BSN: variants seen among roughly 807,000 people sequenced by gnomAD.
BSN encodes protein bassoon.
Under a neutral mutation model 264.8 loss-of-function variants are expected in BSN, and 57 were observed. The ratio of observed to expected loss-of-function variants is 0.22; its 90% CI spans 0.17 to 0.27. BSN has a LOEUF of 0.27. BSN is among the 10% of genes least tolerant of loss of function. The pLI is 1.00. For synonymous variants in BSN, 2,059 were observed against 2,137.3 expected (o/e 0.96, Z 1.01); for missense variants, 4,615 against 5,232.5 (o/e 0.88, Z 3.64).
intron 1 of BSN, among the ~76,000 whole-genome samples, chr3:49,575,035 G>T (rs2108010614): frequency 6.6e-6 from 1 of 152,002 alleles, no homozygotes; most frequent in Admixed American, 6.6e-5. Flanking sequence ...TTTTCTTTTG[G>T]CTTAAAATTT....
At position 49,661,398 on chromosome 3, in the gene BSN, G is replaced by T; in HGVS notation, c.9553G>T (p.Val3185Leu). 6.2e-7 allele frequency: 1 copy of T among 1,613,984 alleles called. No homozygotes were observed. The highest frequency in any genetic ancestry group is 2.2e-5 in the East Asian group (1 of 44,880). The change falls in exon 6 of 12, where the codon GTG becomes TTG. Residue 3185 changes from valine to leucine, a missense_variant. Val to Leu is a conservative substitution (Grantham distance 32, BLOSUM62 1). This residue lies in a region of BSN where 3,415 missense variants were observed against 3,866.4 expected (regional missense o/e 0.88). Transcript: ENST00000296452. ...TGAAACCAGCTACAGTGGCCCAGCA[G>T]TGAGCAGCGGCTATGAGCAGGGCAA... is the stretch of plus-strand genomic sequence containing the variant. ...PSETSYSGPA[V>L]SSGYEQGKVP... is the part of the protein sequence containing the mutation.
In BSN at chr3:49,664,845, C is replaced by T. The variant is rs1356620628; in HGVS notation, c.*6C>T. ...AATTTTCCTCATTCTGGTGACCATG[C>T]CCAGCATGGTGAGTACAAGCAGCCT... On this transcript the variant is annotated 3_prime_UTR_variant, in exon 10 of 12. Coordinates refer to ENST00000296452, the MANE Select transcript of BSN (RefSeq NM_003458.4). 6.2e-7 allele frequency: 1 copy of T among 1,612,176 alleles called. No homozygotes were observed. Among genetic ancestry groups the T allele is most frequent in the South Asian group, 1.1e-5 (1 of 91,042 alleles).
chr3:49,601,519 G>T (rs762874925), intron 1 of BSN, among the ~76,000 whole-genome samples: 1 of 152,174 alleles, frequency 6.6e-6, no homozygotes, highest in Non-Finnish European at 1.5e-5. Context: ...CCTCCCTCCA[G>T]TGCCAGCTTG....
At chr3:49,672,106 T>C (rs1488173498), downstream of BSN, among the ~76,000 whole-genome samples, 3 of 147,938 alleles carry the variant, frequency 2.0e-5, no homozygotes, top group South Asian at 2.3e-4. Context: ...AGAATTAACA[T>C]TTTGATGCGT....
At chr3:49,602,173 G>C (rs75077023) in intron 1 of BSN, among the ~76,000 whole-genome samples, 3,032 of 152,322 alleles carry the variant, frequency 0.02, 52 homozygotes, top group Middle Eastern at 0.061. Flanking sequence ...TTTGCCCCTT[G>C]GATCAGAAAG....
intron 1 of BSN, among the ~76,000 whole-genome samples, chr3:49,611,783 G>A (rs2052208529): frequency 6.6e-6 from 1 of 152,202 alleles, no homozygotes; most frequent in South Asian, 2.1e-4. Context: ...AATGTCTTGG[G>A]TTCTTTTGGT....
intron 1 of BSN, among the ~76,000 whole-genome samples, chr3:49,624,014 T>G (rs993923758): frequency 4.6e-5 from 7 of 152,222 alleles, no homozygotes; most frequent in Admixed American, 3.3e-4. Context: ...CTTTTCTTTT[T>G]TTTTGAAATG....
intron 1 of BSN, among the ~76,000 whole-genome samples, chr3:49,615,974 G>A (rs765970962): frequency 6.6e-6 from 1 of 152,190 alleles, no homozygotes; most frequent in African/African-American, 2.4e-5. Flanking sequence ...AGAACATATG[G>A]AAATTTCTGT....
rs770141757 is a variant in BSN, at chr3:49,662,003, G to T, written c.10158G>T (p.Ala3386=). The T allele has an allele frequency of 1.2e-6, 2 of 1,613,866 alleles. No individual in the cohort carries two copies. The highest frequency in any genetic ancestry group is 1.3e-5 in the African/African-American group (1 of 75,054). ...CCAAAGACGTAGAGTCAGACCTGGC[G>T]TCCTACCCCCCACCTGCAGTCAGCA... The part of the protein sequence containing the change: ...EEAKDVESDL[A]SYPPPAVSSS... Residue 3386 remains alanine, a synonymous_variant, in exon 6 of 12, where the codon GCG becomes GCT. Coordinates refer to ENST00000296452, the MANE Select transcript of BSN (RefSeq NM_003458.4).
chr3:49,669,869 G>C lies in BSN; in HGVS notation c.*2384G>C, dbSNP rs1016215593. The C allele has an allele frequency of 6.5e-6, 1 of 152,672 alleles. No homozygotes were observed. The highest frequency in any genetic ancestry group is 2.4e-5 in the African/African-American group (1 of 41,456). 9.5% of individuals were successfully genotyped at this position (152,672 alleles called of 1,614,324 possible). On this transcript the variant is annotated 3_prime_UTR_variant, in exon 12 of 12. Transcript: ENST00000296452. ...TTCTCCAAAGCCCAAGCGTCCCGCT[G>C]CTCATCAGCTTTTTTACCATTGAGC...
At chr3:49,579,144 T>A (rs1416381189) in intron 1 of BSN, among the ~76,000 whole-genome samples, 2 of 151,230 alleles carry the variant, frequency 1.3e-5, no homozygotes, top group Non-Finnish European at 3.0e-5. Context: ...TGCACCACCA[T>A]GCCTGGCTAA....
In BSN at chr3:49,657,344, C is replaced by T. The variant is rs564474638; in HGVS notation, c.7788C>T (p.Tyr2596=). The T allele has an allele frequency of 4.3e-6, 7 of 1,613,460 alleles. No homozygotes were observed. The African/African-American group carries it at 8.0e-5, about 18-fold the overall frequency. ...ACGATGAGGATGGGGAGAGCCGCTA[C>T]CTCTTGAGTCGGCGACGCCGGGCAC... ...QTDDEDGESR[Y]LLSRRRRARR... is the part of the protein sequence containing the mutation. Residue 2596 remains tyrosine, a synonymous_variant, in exon 5 of 12, where the codon TAC becomes TAT. Transcript: ENST00000296452.
intron 1 of BSN, among the ~76,000 whole-genome samples, chr3:49,615,009 A>G (rs1490767457): frequency 8.6e-5 from 13 of 152,024 alleles, no homozygotes; most frequent in Admixed American, 8.5e-4. Flanking sequence ...GCCTATGTTT[A>G]ATGGCAGCAA....
chr3:49,554,544 C>A lies in BSN; in HGVS notation c.-59C>A. On this transcript the variant is annotated 5_prime_UTR_variant, in exon 1 of 12. Coordinates refer to ENST00000296452, the MANE Select transcript of BSN (RefSeq NM_003458.4). The stretch of plus-strand genomic sequence containing the variant: ...GCGGCGCCGAGAGTGTGAGCACCGC[C>A]CGGGAGCCGCCGGCCCGGGCGCAGC... The A allele has an allele frequency of 4.5e-6, 3 of 669,972 alleles. No homozygotes were observed. Among genetic ancestry groups the A allele is most frequent in the African/African-American group, 2.0e-5 (1 of 50,712 alleles). The allele number at this position is 669,972 out of a possible 1,614,324, so 41.5% of individuals were successfully genotyped here.
At position 49,663,529 on chromosome 3, in the gene BSN, C is replaced by T; in HGVS notation, c.11371C>T (p.Gln3791Ter). The T allele has an allele frequency of 6.2e-7, 1 of 1,612,612 alleles. No individual in the cohort carries two copies. The highest frequency in any genetic ancestry group is 8.5e-7 in the Non-Finnish European group (1 of 1,179,846). ...QQQGLGLQPPQQALTQARLQQ... is the reference protein window; with the variant it reads ...QQQGLGLQPP ...GCAAGGTCTTGGGCTGCAGCCCCCA[C>T]AGCAGGCTCTGACACAGGCTCGGCT... is the stretch of plus-strand genomic sequence containing the variant. The change falls in exon 7 of 12, where the codon CAG (glutamine) becomes TAG (stop). Residue 3791 changes from glutamine (Q) to a stop codon, truncating the protein, a stop_gained. Coordinates refer to ENST00000296452, the MANE Select transcript of BSN (RefSeq NM_003458.4). LOFTEE classifies it high-confidence loss of function.
In BSN at chr3:49,662,189, A is replaced by C; in HGVS notation, c.10344A>C (p.Ala3448=). The C allele has an allele frequency of 6.2e-7, 1 of 1,612,976 alleles. No individual in the cohort carries two copies. Among genetic ancestry groups the C allele is most frequent in the Non-Finnish European group, 8.5e-7 (1 of 1,179,882 alleles). ...GGSSRSRAPS[A]YSGEKLSSHD... ...GCAGCCGGTCCCGGGCACCTTCTGC[A>C]TACAGTGGGGAGAAGCTGTCCAGCC... The change falls in exon 6 of 12, where the codon GCA becomes GCC. Residue 3448 remains alanine, a synonymous_variant. Transcript: ENST00000296452.
chr3:49,561,692 C>T (rs900645548), intron 1 of BSN, among the ~76,000 whole-genome samples: 1 of 152,080 alleles, frequency 6.6e-6, no homozygotes, highest in Non-Finnish European at 1.5e-5. Flanking sequence ...AACATACTTA[C>T]CATTTTTGTG....
rs1405878821 is a variant in BSN at position 49,669,396 on chromosome 3, A to G, written c.*1911A>G. 6.5e-6 allele frequency: 1 copy of G among 152,674 alleles called. No individual in the cohort carries two copies. Among genetic ancestry groups the G allele is most frequent in the Non-Finnish European group, 1.5e-5 (1 of 68,090 alleles). The allele number at this position is 152,674 out of a possible 1,614,324, so 9.5% of individuals were successfully genotyped here. A position where few individuals can be genotyped will look rare whatever the true frequency, so the allele number is the denominator to read the frequency against. Reference sequence around the variant, plus strand: ...GGACATTCTGAAGGTTTGCTGTAGGATATCTGTCTGTCTGTCATTTTCCCT... The same window carrying G: ...GGACATTCTGAAGGTTTGCTGTAGGGTATCTGTCTGTCTGTCATTTTCCCT... On this transcript the variant is annotated 3_prime_UTR_variant, in exon 12 of 12. Coordinates refer to ENST00000296452, the MANE Select transcript of BSN (RefSeq NM_003458.4).
chr3:49,664,105 G>T (rs546513585), intron 8 of BSN, among the ~76,000 whole-genome samples: 1 of 152,338 alleles, frequency 6.6e-6, no homozygotes, highest in Admixed American at 6.5e-5. Context: ...AAGCAGCTTT[G>T]GGCAGAGAAG....
Sources: gnomAD v4.1 joint callset for allele counts (sites outside exome capture counted in the v4.1 genomes callset) on GRCh38, gnomAD v4.1.1 for gene constraint, gnomAD v4.1.1 regional missense constraint, MANE v1.5 for transcripts, NCBI Gene and HGNC (gene_info 2026-07-23, HGNC 2026-07-21) for gene names.